Variants in LDLRAD4 observed in about 807,000 individuals in gnomAD.
LDLRAD4 encodes the protein low density lipoprotein receptor class A domain containing 4, also known as low-density lipoprotein receptor class A domain-containing protein 4.
In LDLRAD4, 5 loss-of-function variants were observed where a neutral mutation model predicts 17.0. That is an observed-to-expected ratio of 0.29 (90% CI 0.15 to 0.62). LDLRAD4 has a LOEUF of 0.62. LDLRAD4 is among the 20% of genes least tolerant of loss of function. The pLI, the probability that LDLRAD4 is intolerant of heterozygous loss-of-function variation, is 0.84. For synonymous variants in LDLRAD4, 168 were observed against 171.8 expected, an observed-to-expected ratio of 0.98 and a Z score of 0.17; for missense variants, 340 against 424.7, an observed-to-expected ratio of 0.80 and a Z score of 1.75.
chr18:13,421,355 A>G (rs2089434108), intron 2 of LDLRAD4: 1 of 152,278 alleles, frequency 6.6e-6, no homozygotes, highest in African/African-American at 2.4e-5. Flanking sequence ...TGGAGGCTGC[A>G]GCTCCATCAG....
intron 1 of LDLRAD4, among the ~76,000 whole-genome samples, chr18:13,287,397 G>A (rs1319908419): frequency 6.6e-6 from 1 of 152,184 alleles, no homozygotes; most frequent in African/African-American, 2.4e-5. Context: ...GTTTAGCCCA[G>A]GTAGGAGGAT....
chr18:13,393,023 C>T (rs1283006716), intron 2 of LDLRAD4, among the ~76,000 whole-genome samples: 1 of 152,110 alleles, frequency 6.6e-6, no homozygotes, highest in Non-Finnish European at 1.5e-5. Flanking sequence ...CTGTGGGCTC[C>T]GAGTGAAGGA....
chr18:13,554,090 A>G (rs895921174), intron 3 of LDLRAD4, among the ~76,000 whole-genome samples: 2 of 152,208 alleles, frequency 1.3e-5, no homozygotes, highest in Non-Finnish European at 2.9e-5. Flanking sequence ...TAATGGAATG[A>G]TCGTACTTTC....
intron 3 of LDLRAD4, chr18:13,543,582 GTTAAAA>G (rs1290813310): frequency 1.3e-5 from 2 of 152,206 alleles, no homozygotes; most frequent in African/African-American, 4.8e-5. Context: ...TTGCATTATT[GTTAAAA>G]TTAACATCTC....
At chr18:13,242,167 C>G (rs182947406) in intron 1 of LDLRAD4, 1 of 152,240 alleles carries the variant, frequency 6.6e-6, no homozygotes. Flanking sequence ...AAACCAAGAA[C>G]GTGCTTCTGA....
At chr18:13,404,424 G>C (rs1316162391) in intron 2 of LDLRAD4, among the ~76,000 whole-genome samples, 1 of 152,244 alleles carries the variant, frequency 6.6e-6, no homozygotes, top group African/African-American at 2.4e-5. Flanking sequence ...GCTGTGGGAC[G>C]CTGTCCCACG....
At position 13,586,264 on chromosome 18, in the gene LDLRAD4, C is replaced by T. The variant is rs557433566; in HGVS notation, c.182-34853C>T. Among the ~76,000 whole-genome samples the T allele has an allele frequency of 9.4e-4, 142 of 151,184 alleles. 2 individuals are homozygous for T. The highest frequency in any genetic ancestry group is 3.4e-3 in the Middle Eastern group (1 of 294). On this transcript the variant is annotated intron_variant, in intron 3 of 5. Coordinates refer to ENST00000359446, the Ensembl canonical transcript of LDLRAD4. ...CTCTACTAAAAATACAAAAATTAGC[C>T]GGGCGTGGTGGCAGGCGTCTGTAAT...
intron 1 of LDLRAD4, among the ~76,000 whole-genome samples, chr18:13,251,706 A>T (rs2043229153): frequency 1.3e-5 from 2 of 152,246 alleles, no homozygotes; most frequent in Non-Finnish European, 2.9e-5. Context: ...AGCATCGATG[A>T]AAAGAAATTG....
intron 2 of LDLRAD4, among the ~76,000 whole-genome samples, chr18:13,391,977 C>T (rs964138573): frequency 3.3e-5 from 5 of 152,214 alleles, no homozygotes; most frequent in African/African-American, 4.8e-5. Flanking sequence ...TTATGAATAA[C>T]GCTTTGATGA....
At chr18:13,290,380 C>T (rs1354183036) in intron 1 of LDLRAD4, among the ~76,000 whole-genome samples, 2 of 152,182 alleles carry the variant, frequency 1.3e-5, no homozygotes, top group Non-Finnish European at 1.5e-5. Flanking sequence ...ATATCTTAAG[C>T]ATTCTCCAAC....
chr18:13,327,570 G>A (rs1469610247), intron 1 of LDLRAD4, among the ~76,000 whole-genome samples: 2 of 152,034 alleles, frequency 1.3e-5, no homozygotes, highest in East Asian at 3.9e-4. Context: ...ATTTCCATAT[G>A]GTGCGTGTAT....
At chr18:13,615,515 A>G (rs2039992394) in intron 3 of LDLRAD4, 1 of 152,246 alleles carries the variant, frequency 6.6e-6, no homozygotes, top group East Asian at 1.9e-4. Context: ...TGCCTCTAGT[A>G]TGATTCAGTT....
chr18:13,302,308 T>C (rs901197521), intron 1 of LDLRAD4, among the ~76,000 whole-genome samples: 14 of 152,214 alleles, frequency 9.2e-5, no homozygotes, highest in African/African-American at 3.4e-4. Flanking sequence ...TGGTTTTCTG[T>C]AGCCAGAGTT....
chr18:13,474,666 A>G (rs913200850), intron 3 of LDLRAD4, among the ~76,000 whole-genome samples: 3 of 152,228 alleles, frequency 2.0e-5, no homozygotes, highest in Non-Finnish European at 4.4e-5. Flanking sequence ...GAGGGGCCAC[A>G]GGTGCAGATC....
chr18:13,320,758 C>T (rs981792284), intron 1 of LDLRAD4, among the ~76,000 whole-genome samples: 2 of 152,184 alleles, frequency 1.3e-5, no homozygotes, highest in Non-Finnish European at 2.9e-5. Context: ...GGCAACTCTA[C>T]GTTTGAGTAA....
At chr18:13,329,424 G>A (rs2081725496) in intron 1 of LDLRAD4, among the ~76,000 whole-genome samples, 2 of 152,164 alleles carry the variant, frequency 1.3e-5, no homozygotes, top group South Asian at 4.2e-4. Context: ...TCTTTCCACA[G>A]GTTTATGAGC....
chr18:13,390,495 T>C (rs573477650), intron 2 of LDLRAD4, among the ~76,000 whole-genome samples: 1 of 151,936 alleles, frequency 6.6e-6, no homozygotes, highest in African/African-American at 2.4e-5. Context: ...GAGACTGAGG[T>C]TTAATTGGTC....
chr18:13,435,209 A>T (rs970766186), intron 2 of LDLRAD4, among the ~76,000 whole-genome samples: 2 of 152,226 alleles, frequency 1.3e-5, no homozygotes, highest in African/African-American at 4.8e-5. Flanking sequence ...AGTTTTGTTA[A>T]GTTGGACAGA....
chr18:13,408,786 T>G (rs2145654885), intron 2 of LDLRAD4, among the ~76,000 whole-genome samples: 1 of 152,312 alleles, frequency 6.6e-6, no homozygotes, highest in Middle Eastern at 3.4e-3. Flanking sequence ...TCCTTTTGGC[T>G]TGGAAGTTAG....
Sources: gnomAD v4.1 joint callset for allele counts (sites outside exome capture counted in the v4.1 genomes callset) on GRCh38, gnomAD v4.1.1 for gene constraint, MANE v1.5 for transcripts, NCBI Gene and HGNC (gene_info 2026-07-23, HGNC 2026-07-21) for gene names.